The following LZTS3 variants were observed in gnomAD, a reference collection of about 807,000 sequenced individuals.
LZTS3 encodes leucine zipper putative tumor suppressor 3.
A neutral mutation model predicts 50.9 loss-of-function variants in LZTS3; 16 were observed. That is an observed-to-expected ratio of 0.31 (90% CI 0.21 to 0.48). LZTS3 has a LOEUF of 0.48. LZTS3 is among the 20% of genes least tolerant of loss of function. The probability of loss-of-function intolerance (pLI) is 0.99; values close to 1 mark genes in which losing one functional copy is unlikely to be tolerated. For missense variants in LZTS3, 816 were observed against 931.0 expected (o/e 0.88, Z 1.61); for synonymous variants, 408 against 410.6 (o/e 0.99, Z 0.08).
intron 2 of LZTS3, chr20:3,167,442 C>CTCAGCTCAGT: frequency 8.3e-7 from 1 of 1,205,448 alleles, no homozygotes; most frequent in East Asian, 3.6e-5. Context: ...CTCAGCTCAG[C>CTCAGCTCAGT]TCAGCTCAGC....
Position 3,165,960 on chromosome 20 carries a change from G to C in LZTS3, c.860C>G (p.Ser287Trp), listed in dbSNP as rs542381563. 1.2e-6 allele frequency: 2 copies of C among 1,612,918 alleles called. No homozygotes were observed. Among genetic ancestry groups the C allele is most frequent in the Non-Finnish European group, 8.5e-7 (1 of 1,180,020 alleles). Residue 287 changes from serine to tryptophan, a missense_variant, in exon 4 of 5, where the codon TCG becomes TGG. Ser to Trp is a radical substitution (Grantham distance 177). Transcript: ENST00000337576. The surrounding 1 kb of genome is among the most constrained non-coding windows in gnomAD (Gnocchi z 5.0). ...GCCTGGCCGCCCCATAGATGACGAC[G>C]ACCCACTCTTGCTGGAGGCCCGTCC... ...DSGRASSKSG[S>W]SSSMGRPGHL... is the part of the protein sequence containing the mutation.
chr20:3,165,327 C>G lies in LZTS3; in HGVS notation c.1323+170G>C, dbSNP rs952618462. 2.0e-5 allele frequency among the ~76,000 whole-genome samples: 3 copies of G among 152,106 alleles called. No individual in the cohort carries two copies. The highest frequency in any genetic ancestry group is 1.5e-5 in the Non-Finnish European group (1 of 68,012). On this transcript the variant is annotated intron_variant, in intron 4 of 4. Coordinates refer to ENST00000337576, the MANE Select transcript of LZTS3 (RefSeq NM_001365618.1). This position sits in a 1 kb window ranked among gnomAD's most constrained non-coding sequence, Gnocchi z 5.0. ...TGGACTCAAGATGGACATGTCTCAC[C>G]CAGCGGATGGCCTCGGGTCCTCACA...
Position 3,165,177 on chromosome 20 carries a change from A to C in LZTS3, c.1324-25T>G. ...CCTGGGCAGGAACAGGTGAGAGGAG[A>C]AGCCAGGTAAAGGCAGAGCTCTGCT... On this transcript the variant is annotated intron_variant, in intron 4 of 4. Coordinates refer to ENST00000337576, the MANE Select transcript of LZTS3 (RefSeq NM_001365618.1). This position sits in a 1 kb window ranked among gnomAD's most constrained non-coding sequence, Gnocchi z 5.0. 4.7e-6 allele frequency: 7 copies of C among 1,497,636 alleles called. No individual in the cohort carries two copies. The highest frequency in any genetic ancestry group is 6.2e-6 in the Non-Finnish European group (7 of 1,121,140). 92.8% of individuals were successfully genotyped at this position (1,497,636 alleles called of 1,614,324 possible). A position where few individuals can be genotyped will look rare whatever the true frequency, so the allele number is the denominator to read the frequency against.
rs900605856 is a variant in LZTS3 at position 3,165,532 on chromosome 20, C to T, written c.1288G>A (p.Asp430Asn). ...KVAACQKEQA[D>N]FLPRIEETKW... is the part of the protein sequence containing the mutation. ...GTTTCCTCTATCCGGGGCAGGAAGT[C>T]GGCCTGCTCCTTCTGGCAGGCGGCC... is the stretch of plus-strand genomic sequence containing the variant. Residue 430 changes from aspartate to asparagine, a missense_variant, in exon 4 of 5, where the codon GAC (aspartate) becomes AAC (asparagine). Around this residue, in one of 3 missense-constraint regions of LZTS3, gnomAD observed 700 missense variants for 769.4 expected, o/e 0.91. Transcript: ENST00000337576. The surrounding 1 kb of genome is among the most constrained non-coding windows in gnomAD (Gnocchi z 5.0). 6.4e-7 allele frequency: 1 copy of T among 1,564,870 alleles called. No individual in the cohort carries two copies. The highest frequency in any genetic ancestry group is 1.2e-5 in the South Asian group (1 of 84,682).
At position 3,164,618 on chromosome 20, in the gene LZTS3, G is replaced by C; in HGVS notation, c.1858C>G (p.Gln620Glu). Residue 620 changes from glutamine (Q) to glutamate (E), a missense_variant, in exon 5 of 5, where the codon CAG becomes GAG. Gln to Glu is a conservative substitution (Grantham distance 29, BLOSUM62 2). This residue lies in a region of LZTS3 where 107 missense variants were observed against 130.4 expected (regional missense o/e 0.82). Transcript: ENST00000337576. Reference sequence around the variant, plus strand: ...TGGTACATCTCCACGTAGCTCAGCTGCAGCTGCTTCTGGTACTCGATCACC... The same window carrying C: ...TGGTACATCTCCACGTAGCTCAGCTCCAGCTGCTTCTGGTACTCGATCACC... Reference protein sequence around the residue: ...EKVIEYQKQLQLSYVEMYQRN... With the variant: ...EKVIEYQKQLELSYVEMYQRN... 6.2e-7 allele frequency: 1 copy of C among 1,612,898 alleles called. No individual in the cohort carries two copies. The highest frequency in any genetic ancestry group is 1.1e-5 in the South Asian group (1 of 90,864).
chr20:3,168,976 A>G (rs972043146), intron 1 of LZTS3, among the ~76,000 whole-genome samples: 4 of 152,172 alleles, frequency 2.6e-5, no homozygotes, highest in Admixed American at 2.6e-4. Context: ...AGGTTGTTGG[A>G]AAGTTCACTA....
At chr20:3,171,702 G>A (rs902072804) in intron 1 of LZTS3, among the ~76,000 whole-genome samples, 4 of 151,860 alleles carry the variant, frequency 2.6e-5, no homozygotes, top group Non-Finnish European at 1.5e-5. Flanking sequence ...ACACCGGCAG[G>A]ACAAGGAAGG....
chr20:3,172,439 C>T (rs1200379588), intron 1 of LZTS3, among the ~76,000 whole-genome samples: 1 of 152,194 alleles, frequency 6.6e-6, no homozygotes, highest in African/African-American at 2.4e-5. Context: ...TGATGCCCCT[C>T]CTCTATCTAC....
In LZTS3 at chr20:3,164,577, C is replaced by G. The variant is rs2066777679; in HGVS notation, c.1899G>C (p.Leu633=). 1 of 1,611,378 alleles carries G rather than the reference C, an allele frequency of 6.2e-7. No individual in the cohort carries two copies. Among genetic ancestry groups the G allele is most frequent in the Non-Finnish European group, 8.5e-7 (1 of 1,178,812 alleles). ...CCCCGCGCTCCCGCAGCCTGCGCTC[C>G]AGCTGCTGGTTGCGCTGGTACATCT... ...YVEMYQRNQQ[L]ERRLRERGAA... is the part of the protein sequence containing the mutation. Residue 633 remains leucine (L), a synonymous_variant, in exon 5 of 5, where the codon CTG becomes CTC. Transcript: ENST00000337576.
Position 3,162,810 on chromosome 20 carries a change from C to T in LZTS3, c.*1644G>A, listed in dbSNP as rs1029358454. 1.3e-5 allele frequency: 2 copies of T among 152,498 alleles called. No individual in the cohort carries two copies. Among genetic ancestry groups the T allele is most frequent in the Non-Finnish European group, 2.9e-5 (2 of 68,026 alleles). 9.4% of individuals were successfully genotyped at this position (152,498 alleles called of 1,614,324 possible). ...CTAATGCCTTCTCTTCTCCCTGCCC[C>T]TGTGGCCTAGGCCCAGGTTCTAGGG... On this transcript the variant is annotated 3_prime_UTR_variant, in exon 5 of 5. Coordinates refer to ENST00000337576, the MANE Select transcript of LZTS3 (RefSeq NM_001365618.1). The surrounding 1 kb of genome is among the most constrained non-coding windows in gnomAD (Gnocchi z 5.0).
rs375683763 is a variant in LZTS3 at position 3,167,180 on chromosome 20, C to T, written c.-17G>A. 5 of 1,454,222 alleles carry T rather than the reference C, an allele frequency of 3.4e-6. No homozygotes were observed. The highest frequency in any genetic ancestry group is 4.5e-6 in the Non-Finnish European group (5 of 1,108,436). 90.1% of individuals were successfully genotyped at this position (1,454,222 alleles called of 1,614,324 possible). On this transcript the variant is annotated splice_region_variant and 5_prime_UTR_variant, in exon 3 of 5. Coordinates refer to ENST00000337576, the MANE Select transcript of LZTS3 (RefSeq NM_001365618.1). Reference sequence around the variant, plus strand: ...CTTCGCCATGACTAAGCCAGGGGGGCACTGTGGGCACAGGTGGGAAGGCAG... The same window carrying T: ...CTTCGCCATGACTAAGCCAGGGGGGTACTGTGGGCACAGGTGGGAAGGCAG...
rs1003344071 is a variant in LZTS3 at position 3,165,289 on chromosome 20, C to T, written c.1324-137G>A. Reference sequence around the variant, plus strand: ...CAGCCCCTCATCAGCAGCGACGCACCCGATTCCCTGCCTGGACTCAAGATG... The same window carrying T: ...CAGCCCCTCATCAGCAGCGACGCACTCGATTCCCTGCCTGGACTCAAGATG... On this transcript the variant is annotated intron_variant, in intron 4 of 4. Coordinates refer to ENST00000337576, the MANE Select transcript of LZTS3 (RefSeq NM_001365618.1). The surrounding 1 kb of genome is among the most constrained non-coding windows in gnomAD (Gnocchi z 5.0). 7 of 1,168,168 alleles carry T rather than the reference C, an allele frequency of 6.0e-6. No homozygotes were observed. The African/African-American group carries it at 9.3e-5, about 16-fold the overall frequency. 72.4% of individuals were successfully genotyped at this position (1,168,168 alleles called of 1,614,324 possible).
At position 3,165,008 on chromosome 20, in the gene LZTS3, G is replaced by C; in HGVS notation, c.1468C>G (p.Gln490Glu). 3 of 1,558,746 alleles carry C rather than the reference G, an allele frequency of 1.9e-6. No individual in the cohort carries two copies. Among genetic ancestry groups the C allele is most frequent in the Non-Finnish European group, 2.6e-6 (3 of 1,154,024 alleles). The change falls in exon 5 of 5, where the codon CAG (glutamine) becomes GAG (glutamate). Residue 490 changes from glutamine (Q) to glutamate (E), a missense_variant. Around this residue, in one of 3 missense-constraint regions of LZTS3, gnomAD observed 700 missense variants for 769.4 expected, o/e 0.91. Coordinates refer to ENST00000337576, the MANE Select transcript of LZTS3 (RefSeq NM_001365618.1). This position sits in a 1 kb window ranked among gnomAD's most constrained non-coding sequence, Gnocchi z 5.0. ...AAGGAGTCCCGCAGGCTGAGCAGCTGCTCCTCCTTCTCCCGCAGCGAAGCC... is the reference window on the plus strand; with the variant it reads ...AAGGAGTCCCGCAGGCTGAGCAGCTCCTCCTCCTTCTCCCGCAGCGAAGCC... ...GRASLREKEE[Q>E]LLSLRDSFSS...
Position 3,164,842 on chromosome 20 carries a change from C to G in LZTS3, c.1634G>C (p.Arg545Pro). The change falls in exon 5 of 5, where the codon CGT becomes CCT. Residue 545 changes from arginine (R) to proline (P), a missense_variant. Arg to Pro is a moderately radical substitution (Grantham distance 103). Coordinates refer to ENST00000337576, the MANE Select transcript of LZTS3 (RefSeq NM_001365618.1). ...TCESDEAKMR[R>P]QAGVAAAASL... ...GGCGGCAGCGGCCACCCCGGCCTGA[C>G]GGCGCATCTTAGCCTCGTCGCTCTC... is the stretch of plus-strand genomic sequence containing the variant. 6.4e-7 allele frequency: 1 copy of G among 1,552,700 alleles called. No individual in the cohort carries two copies.
rs2066756159 is a variant in LZTS3, at chr20:3,163,097, T to A, written c.*1357A>T. 6.6e-6 allele frequency: 1 copy of A among 152,462 alleles called. No homozygotes were observed. Among genetic ancestry groups the A allele is most frequent in the Non-Finnish European group, 1.5e-5 (1 of 68,028 alleles). 9.4% of individuals were successfully genotyped at this position (152,462 alleles called of 1,614,324 possible). On this transcript the variant is annotated 3_prime_UTR_variant, in exon 5 of 5. Coordinates refer to ENST00000337576, the MANE Select transcript of LZTS3 (RefSeq NM_001365618.1). This position sits in a 1 kb window ranked among gnomAD's most constrained non-coding sequence, Gnocchi z 5.2. ...GCCCCCCAAAACTCAGTCTTGGGGG[T>A]GGGAGGAAGAGAGTGAAAAAGAGAG...
rs758028001 is a variant in LZTS3, at chr20:3,166,136, G to A, written c.684C>T (p.Pro228=). 1.3e-4 allele frequency: 215 copies of A among 1,613,294 alleles called. No individual in the cohort carries two copies. The highest frequency in any genetic ancestry group is 1.8e-4 in the Non-Finnish European group (213 of 1,179,654). Residue 228 remains proline (P), a synonymous_variant, in exon 4 of 5, where the codon CCC becomes CCT. Transcript: ENST00000337576. ...DSGRNSLTSL[P]TYSSSYSQHL... ...GCTGGCTGTAGCTGGAGCTGTAGGT[G>A]GGCAGGCTTGTGAGGGAGTTCCGGC...
In LZTS3 at chr20:3,165,887, G is replaced by A. The variant is rs767086610; in HGVS notation, c.933C>T (p.Ala311=). Residue 311 remains alanine (A), a synonymous_variant, in exon 4 of 5, where the codon GCC becomes GCT. Coordinates refer to ENST00000337576, the MANE Select transcript of LZTS3 (RefSeq NM_001365618.1). This position sits in a 1 kb window ranked among gnomAD's most constrained non-coding sequence, Gnocchi z 5.0. Reference sequence around the variant, plus strand: ...GTGCACTGGGGGAGGGCGGTGAGCAGGCCGCGAAAGGCAGGCCTCCACCTC... The same window carrying A: ...GTGCACTGGGGGAGGGCGGTGAGCAAGCCGCGAAAGGCAGGCCTCCACCTC... The part of the protein sequence containing the change: ...EGGGGGLPFA[A]CSPPSPSALI... 1 of 1,607,582 alleles carries A rather than the reference G, an allele frequency of 6.2e-7. No homozygotes were observed. Among genetic ancestry groups the A allele is most frequent in the Non-Finnish European group, 8.5e-7 (1 of 1,179,574 alleles).
At chr20:3,167,436 G>GCT in intron 2 of LZTS3, 1 of 1,192,242 alleles carries the variant, frequency 8.4e-7, no homozygotes, top group Non-Finnish European at 1.0e-6. Flanking sequence ...GCGTTGCTCA[G>GCT]CTCAGCTCAG....
Position 3,164,666 on chromosome 20 carries a change from C to T in LZTS3, c.1810G>A (p.Val604Met). 1.2e-6 allele frequency: 2 copies of T among 1,612,078 alleles called. No individual in the cohort carries two copies. The highest frequency in any genetic ancestry group is 2.2e-5 in the East Asian group (1 of 44,700). The change falls in exon 5 of 5, where the codon GTG becomes ATG. Residue 604 changes from valine to methionine, a missense_variant. Val to Met is a conservative substitution (Grantham distance 21). Coordinates refer to ENST00000337576, the MANE Select transcript of LZTS3 (RefSeq NM_001365618.1). ...ACCTTCTCCTTCTCCTCCAGCCACA[C>T]GCGGCGCTCCTCGGCGAAGCTGGCA... Reference protein sequence around the residue: ...QGASFAEERRVWLEEKEKVIE... With the variant: ...QGASFAEERRMWLEEKEKVIE...
Sources: allele counts gnomAD v4.1 joint callset (sites outside exome capture counted in the v4.1 genomes callset), GRCh38; gene constraint gnomAD v4.1.1; regional missense constraint gnomAD v4.1.1; non-coding constraint Gnocchi (gnomAD v3.1); transcripts MANE v1.5; gene names NCBI Gene and HGNC (gene_info 2026-07-23, HGNC 2026-07-21).